The following ADIPOR1 variants were observed in gnomAD, a reference collection of about 807,000 sequenced individuals.
ADIPOR1 encodes the protein adiponectin receptor 1.
In ADIPOR1, 15 loss-of-function variants were observed where a neutral mutation model predicts 37.5. The observed-to-expected ratio is 0.40, with a 90% CI of 0.27 to 0.62. The LOEUF is 0.62. Ranked by LOEUF, ADIPOR1 falls within the 20% of genes least tolerant of loss-of-function variation. The pLI, the probability that ADIPOR1 is intolerant of heterozygous loss-of-function variation, is 0.42. For missense variants in ADIPOR1, 286 were observed against 478.0 expected (o/e 0.60, Z 3.75); for synonymous variants, 173 against 173.2 (o/e 1.00, Z 0.01).
chr1:202,952,044 A>G (rs188630448), intron 1 of ADIPOR1, among the ~76,000 whole-genome samples: 10 of 152,304 alleles, frequency 6.6e-5, no homozygotes, highest in African/African-American at 2.2e-4. Flanking sequence ...CAGACACTTT[A>G]GGTTTTCCTG....
chr1:202,955,204 T>C (rs1193399704), intron 1 of ADIPOR1, among the ~76,000 whole-genome samples: 1 of 151,656 alleles, frequency 6.6e-6, no homozygotes, highest in African/African-American at 2.4e-5. Context: ...CTGACTTCCT[T>C]TGTAGCTCTT....
In ADIPOR1 at chr1:202,958,245, G is replaced by C. The variant is rs1011825002; in HGVS notation, c.-155C>G. 3 of 151,846 alleles carry C rather than the reference G, an allele frequency of 2.0e-5. No individual in the cohort carries two copies. Among genetic ancestry groups the C allele is most frequent in the African/African-American group, 4.9e-5 (2 of 41,208 alleles). 9.4% of individuals were successfully genotyped at this position (151,846 alleles called of 1,614,324 possible). ...CCCCGCGCTACATCCCGCGGCGCTG[G>C]AGGCGGCCTGCGGCCGAGCGGCCCC... On this transcript the variant is annotated 5_prime_UTR_variant, in exon 1 of 8. Coordinates refer to ENST00000340990, the MANE Select transcript of ADIPOR1 (RefSeq NM_015999.6).
chr1:202,954,764 A>C (rs550079610), intron 1 of ADIPOR1, among the ~76,000 whole-genome samples: 1 of 152,386 alleles, frequency 6.6e-6, no homozygotes, highest in African/African-American at 2.4e-5. Context: ...CCTGTGCCAA[A>C]CATGGGGAAA....
At chr1:202,947,825 A>T (rs879643480) in intron 3 of ADIPOR1, among the ~76,000 whole-genome samples, 3 of 152,192 alleles carry the variant, frequency 2.0e-5, no homozygotes, top group Non-Finnish European at 2.9e-5. Context: ...CATTTTCCTC[A>T]ATTATAAGCA....
At chr1:202,944,164 C>T in intron 5 of ADIPOR1, 1 of 485,466 alleles carries the variant, frequency 2.1e-6, no homozygotes, top group Non-Finnish European at 3.7e-6. Context: ...AATCCCCATT[C>T]AAAGAACTCT....
chr1:202,958,008 A>G (rs1243033653), intron 1 of ADIPOR1, among the ~76,000 whole-genome samples, 177 bp downstream of exon 1: 1 of 152,012 alleles, frequency 6.6e-6, no homozygotes, highest in Non-Finnish European at 1.5e-5. Context: ...AATGTTTACA[A>G]CCTGACCGGC....
intron 6 of ADIPOR1, among the ~76,000 whole-genome samples, chr1:202,943,163 C>T (rs983547780): frequency 2.6e-5 from 4 of 152,194 alleles, no homozygotes; most frequent in South Asian, 2.1e-4. Flanking sequence ...CCACTGCTCC[C>T]GGACAATATT....
In ADIPOR1 at chr1:202,958,205, C is replaced by T. The variant is rs1230640305; in HGVS notation, c.-115G>A. The T allele has an allele frequency of 1.3e-5, 2 of 152,076 alleles. No homozygotes were observed. Among genetic ancestry groups the T allele is most frequent in the African/African-American group, 2.4e-5 (1 of 41,418 alleles). The allele number at this position is 152,076 out of a possible 1,614,324, so 9.4% of individuals were successfully genotyped here. ...CTTACAGCCGGGCAGGCGGGCTCTG[C>T]TGGGGGCCGCGGTCCCCCGCGCTAC... On this transcript the variant is annotated 5_prime_UTR_variant, in exon 1 of 8. Transcript: ENST00000340990.
At position 202,951,157 on chromosome 1, in the gene ADIPOR1, G is replaced by T. The variant is rs113872820; in HGVS notation, c.-87C>A. Reference sequence around the variant, plus strand: ...CAGGGGGCAGAGATCTCCCTCTGATGGTAGACACTAAAAGAAAATACAAAC... The same window carrying T: ...CAGGGGGCAGAGATCTCCCTCTGATTGTAGACACTAAAAGAAAATACAAAC... On this transcript the variant is annotated 5_prime_UTR_variant, in exon 2 of 8. Transcript: ENST00000340990. 2.4e-3 allele frequency: 3,600 copies of T among 1,511,416 alleles called. 89 individuals are homozygous for T. In the African/African-American group the frequency reaches 0.044, roughly 19 times the overall value. 93.6% of individuals were successfully genotyped at this position (1,511,416 alleles called of 1,614,324 possible). A position where few individuals can be genotyped will look rare whatever the true frequency, so the allele number is the denominator to read the frequency against.
At chr1:202,957,913 C>A (rs760886012) in intron 1 of ADIPOR1, among the ~76,000 whole-genome samples, 2 of 152,238 alleles carry the variant, frequency 1.3e-5, no homozygotes, top group Non-Finnish European at 2.9e-5. Context: ...ACTCACAGGA[C>A]TGCCGGGAGT....
At chr1:202,947,047 C>T (rs1023856990) in intron 3 of ADIPOR1, among the ~76,000 whole-genome samples, 1 of 151,872 alleles carries the variant, frequency 6.6e-6, no homozygotes, top group African/African-American at 2.4e-5. Context: ...ACCTGGCGGG[C>T]GGGGGTTGCA....
intron 4 of ADIPOR1, among the ~76,000 whole-genome samples, 185 bp from the exon 5 acceptor site, chr1:202,945,354 C>T (rs1421575351): frequency 6.6e-6 from 1 of 152,158 alleles, no homozygotes; most frequent in Non-Finnish European, 1.5e-5. Context: ...AGTCAAAAAA[C>T]AACAGATGTT....
chr1:202,946,597 C>A lies in ADIPOR1; in HGVS notation c.272G>T (p.Arg91Leu), dbSNP rs200676846. 6.2e-7 allele frequency: 1 copy of A among 1,613,930 alleles called. No homozygotes were observed. The highest frequency in any genetic ancestry group is 8.5e-7 in the Non-Finnish European group (1 of 1,180,026). ...EEFVYKVWEG[R>L]WRVIPYDVLP... ...CACATCATATGGGATGACCCTCCAA[C>A]GTCCCTCCCAGACCTAGAACATATA... Residue 91 changes from arginine to leucine, a missense_variant, in exon 4 of 8, where the codon CGT becomes CTT. Arg to Leu is a moderately radical substitution (Grantham distance 102, BLOSUM62 -2). Coordinates refer to ENST00000340990, the MANE Select transcript of ADIPOR1 (RefSeq NM_015999.6).
intron 6 of ADIPOR1, 56 bp from the exon 7 acceptor site, chr1:202,942,274 CA>C: frequency 6.7e-7 from 1 of 1,495,730 alleles, no homozygotes; most frequent in Non-Finnish European, 9.1e-7. Flanking sequence ...GCATGGAAGG[CA>C]CTGCTGTCTT....
intron 3 of ADIPOR1, among the ~76,000 whole-genome samples, chr1:202,947,291 G>A (rs1438356928): frequency 2.0e-5 from 3 of 152,136 alleles, no homozygotes; most frequent in Non-Finnish European, 2.9e-5. Context: ...GGAGGCTGAG[G>A]CGGGCGGATC....
At chr1:202,948,942 C>T (rs568022902) in intron 2 of ADIPOR1, among the ~76,000 whole-genome samples, 114 of 151,864 alleles carry the variant, frequency 7.5e-4, no homozygotes, top group African/African-American at 2.7e-3. Context: ...AGGCGCCCAC[C>T]ACCATGCCTG....
intron 2 of ADIPOR1, among the ~76,000 whole-genome samples, chr1:202,948,710 C>T (rs1229484550): frequency 6.6e-6 from 1 of 152,150 alleles, no homozygotes; most frequent in African/African-American, 2.4e-5. Context: ...TACTGAATGA[C>T]ATCCTTTTCT....
At chr1:202,942,871 C>CTTTT (rs10682231) in intron 6 of ADIPOR1, among the ~76,000 whole-genome samples, 1 of 116,776 alleles carries the variant, frequency 8.6e-6, no homozygotes, top group African/African-American at 2.7e-5. Context: ...TTCTTTCTTT[C>CTTTT]TTTTTTTTTT....
Position 202,948,335 on chromosome 1 carries a change from G to T in ADIPOR1, c.227C>A (p.Ala76Asp). 6.2e-7 allele frequency: 1 copy of T among 1,613,522 alleles called. No individual in the cohort carries two copies. Among genetic ancestry groups the T allele is most frequent in the Non-Finnish European group, 8.5e-7 (1 of 1,179,700 alleles). Residue 76 changes from alanine to aspartate, a missense_variant, in exon 3 of 8, where the codon GCC becomes GAC. Transcript: ENST00000340990. ...CACAAACTCTTCCATCTTCTCCATG[G>T]CGTGGTGGGCTTGCAGGGGAAGTGT... The part of the protein sequence containing the change: ...VLTLPLQAHH[A>D]MEKMEEFVYK...
Sources: gnomAD v4.1 joint callset for allele counts (sites outside exome capture counted in the v4.1 genomes callset) on GRCh38, gnomAD v4.1.1 for gene constraint, MANE v1.5 for transcripts, NCBI Gene and HGNC (gene_info 2026-07-23, HGNC 2026-07-21) for gene names.